The following RAB9B variants were observed in gnomAD, a reference collection of about 807,000 sequenced individuals.
RAB9B encodes the protein ras-related protein Rab-9B.
Under a neutral mutation model 8.9 loss-of-function variants are expected in RAB9B, and 1 was observed. That is an observed-to-expected ratio of 0.11 (90% CI 0.04 to 0.53). The LOEUF (loss-of-function observed/expected upper bound fraction) is 0.53. Ranked by LOEUF, RAB9B falls within the 20% of genes least tolerant of loss-of-function variation. The probability of loss-of-function intolerance (pLI) is 0.93; values close to 1 mark genes in which losing one functional copy is unlikely to be tolerated. For missense variants in RAB9B, 82 were observed against 152.9 expected (o/e 0.54, Z 2.45); for synonymous variants, 63 against 57.0 (o/e 1.10, Z -0.47).
chrX:103,781,932 T>A, the RAB9B span, among the ~76,000 whole-genome samples: 1 of 111,654 alleles, frequency 9.0e-6, no homozygotes, highest in African/African-American at 3.3e-5. Context: ...CCAGGAGGGG[T>A]TCTGAAATGG....
At chrX:103,810,796 A>G in the RAB9B span, among the ~76,000 whole-genome samples, 3 of 111,988 alleles carry the variant, frequency 2.7e-5, no homozygotes, top group South Asian at 3.8e-4. Context: ...CATGGTATCA[A>G]TCATGCTTCT....
At chrX:103,828,998 G>T (rs899917621) in intron 1 of RAB9B, among the ~76,000 whole-genome samples, 4 of 111,775 alleles carry the variant, frequency 3.6e-5, no homozygotes, top group African/African-American at 1.3e-4. Context: ...GATAATACCT[G>T]CCCTACTTAA....
At chrX:103,802,949 T>C in the RAB9B span, among the ~76,000 whole-genome samples, 16 of 112,055 alleles carry the variant, frequency 1.4e-4, no homozygotes, top group Non-Finnish European at 2.8e-4. Flanking sequence ...ACTGGCTTAC[T>C]TCCTTTAACA....
chrX:103,785,890 C>T, the RAB9B span: 10 of 752,281 alleles, frequency 1.3e-5, no homozygotes, highest in Admixed American at 1.7e-4. Context: ...ACCGGATTCC[C>T]GAGTCTTCCC....
chrX:103,831,023 G>A (rs1455565238), intron 1 of RAB9B, among the ~76,000 whole-genome samples: 1 of 110,897 alleles, frequency 9.0e-6, no homozygotes, highest in Non-Finnish European at 1.9e-5. Context: ...CTAGGCACTG[G>A]ATGAGAGTGG....
the RAB9B span, among the ~76,000 whole-genome samples, chrX:103,805,752 T>C: frequency 2.9e-5 from 3 of 101,748 alleles, no homozygotes; most frequent in Non-Finnish European, 6.3e-5. Context: ...TTAAAAATAA[T>C]TTTCTTTATA....
At chrX:103,811,202 A>G in the RAB9B span, among the ~76,000 whole-genome samples, 3 of 112,248 alleles carry the variant, frequency 2.7e-5, no homozygotes, top group Non-Finnish European at 5.6e-5. Context: ...AAAATACTCA[A>G]GCATTGGGTG....
chrX:103,784,657 C>T, the RAB9B span, among the ~76,000 whole-genome samples: 2 of 112,257 alleles, frequency 1.8e-5, no homozygotes, highest in African/African-American at 3.2e-5. Context: ...GCTCTTCATG[C>T]TAAAATCCTG....
At chrX:103,783,339 C>T in the RAB9B span, among the ~76,000 whole-genome samples, 77 of 112,701 alleles carry the variant, frequency 6.8e-4, no homozygotes, top group African/African-American at 2.4e-3. Flanking sequence ...CCACTCACAG[C>T]AGCACAGCTA....
At chrX:103,796,090 G>T in the RAB9B span, among the ~76,000 whole-genome samples, 1 of 112,162 alleles carries the variant, frequency 8.9e-6, no homozygotes, top group African/African-American at 3.2e-5. Flanking sequence ...TAATAGCTTA[G>T]CGGGTTACAA....
At chrX:103,790,758 C>T in the RAB9B span, 9 of 503,096 alleles carry the variant, frequency 1.8e-5, no homozygotes, top group African/African-American at 1.9e-4. Context: ...ATTAAGGTCT[C>T]TCTTTGGACT....
downstream of RAB9B, among the ~76,000 whole-genome samples, chrX:103,821,719 T>G (rs1056396318): frequency 8.9e-6 from 1 of 112,064 alleles, no homozygotes; most frequent in Admixed American, 9.5e-5. Context: ...CTACTCTGTT[T>G]ATATTTTTTG....
chrX:103,825,794 A>T lies in RAB9B; in HGVS notation c.-10T>A, dbSNP rs745550848. 2 of 1,156,939 alleles carry T rather than the reference A, an allele frequency of 1.7e-6. No individual in the cohort carries two copies. Among genetic ancestry groups the T allele is most frequent in the Admixed American group, 5.3e-5 (2 of 38,013 alleles). On this transcript the variant is annotated 5_prime_UTR_variant, in exon 3 of 3. Coordinates refer to ENST00000243298, the MANE Select transcript of RAB9B (RefSeq NM_016370.4). ...GGGATTTCCCACTCATTTTTGCAGC[A>T]CCAGAAGGGAAGGAGTTTGTAACCA... is the stretch of plus-strand genomic sequence containing the variant.
the RAB9B span, among the ~76,000 whole-genome samples, chrX:103,777,573 T>A: frequency 9.0e-6 from 1 of 111,685 alleles, no homozygotes; most frequent in Admixed American, 9.5e-5. Context: ...GGTAGGAGTG[T>A]GTGTGTGTAT....
chrX:103,801,601 A>G, the RAB9B span, among the ~76,000 whole-genome samples: 2 of 112,134 alleles, frequency 1.8e-5, no homozygotes, highest in African/African-American at 6.5e-5. Context: ...TAACTCATAA[A>G]AGCCTCATAA....
At chrX:103,820,669 G>A (rs1448299592), downstream of RAB9B, among the ~76,000 whole-genome samples, 1 of 110,676 alleles carries the variant, frequency 9.0e-6, no homozygotes, top group Non-Finnish European at 1.9e-5. Flanking sequence ...TCAGTTATGG[G>A]CCCCGGTGCA....
At chrX:103,814,750 T>C in the RAB9B span, among the ~76,000 whole-genome samples, 1 of 111,289 alleles carries the variant, frequency 9.0e-6, no homozygotes, top group Non-Finnish European at 1.9e-5. Flanking sequence ...AAATGATAAA[T>C]GGGATATCAC....
In RAB9B at chrX:103,825,846, T is replaced by C. The variant is rs1258848770; in HGVS notation, c.-42-20A>G. ...GAGAACCTGAAAATAAAAGGAAAAG[T>C]AGGAGGGAAAACAGTTAAACCTGAA... On this transcript the variant is annotated intron_variant, in intron 2 of 2. Coordinates refer to ENST00000243298, the MANE Select transcript of RAB9B (RefSeq NM_016370.4). 4 of 1,069,662 alleles carry C rather than the reference T, an allele frequency of 3.7e-6. No individual in the cohort carries two copies. The East Asian group carries it at 1.2e-4, about 33-fold the overall frequency. 88.2% of individuals were successfully genotyped at this position (1,069,662 alleles called of 1,213,427 possible).
chrX:103,790,541 T>C, the RAB9B span: 4 of 1,208,053 alleles, frequency 3.3e-6, no homozygotes, highest in Non-Finnish European at 4.5e-6. Flanking sequence ...CCTTCATGAT[T>C]GCTGCCACTT....
Sources: gnomAD v4.1 joint callset for allele counts (sites outside exome capture counted in the v4.1 genomes callset) on GRCh38, gnomAD v4.1.1 for gene constraint, MANE v1.5 for transcripts, NCBI Gene and HGNC (gene_info 2026-07-23, HGNC 2026-07-21) for gene names.